Variants in TAOK1 observed in about 807,000 individuals in gnomAD.
The protein encoded by TAOK1 is TAO kinase 1.
Under a neutral mutation model 138.3 loss-of-function variants are expected in TAOK1, and 21 were observed. The ratio of observed to expected loss-of-function variants is 0.15; its 90% CI spans 0.11 to 0.22. TAOK1 has a LOEUF of 0.22. Ranked by LOEUF, TAOK1 falls within the 10% of genes least tolerant of loss-of-function variation. TAOK1 has a pLI of 1.00. For missense variants in TAOK1, 651 were observed against 1,227.7 expected (o/e 0.53, Z 7.02); for synonymous variants, 361 against 398.4 (o/e 0.91, Z 1.12).
At chr17:29,501,487 C>T (rs1473315741) in intron 12 of TAOK1, among the ~76,000 whole-genome samples, 1 of 150,286 alleles carries the variant, frequency 6.7e-6, no homozygotes, top group African/African-American at 2.4e-5. Context: ...ATGTTCTCTT[C>T]AGCTAACAAA....
intron 12 of TAOK1, among the ~76,000 whole-genome samples, chr17:29,500,025 A>G (rs2031494584): frequency 6.6e-6 from 1 of 152,218 alleles, no homozygotes; most frequent in South Asian, 2.1e-4. Context: ...ATTAACAGGA[A>G]TGCTAAGGCT....
intron 1 of TAOK1, among the ~76,000 whole-genome samples, chr17:29,420,906 T>A (rs1027284326): frequency 2.7e-4 from 40 of 149,878 alleles, no homozygotes; most frequent in African/African-American, 9.8e-4. Flanking sequence ...CTTTTATCAT[T>A]GCATGTGATA....
At chr17:29,518,154 A>G (rs1334227173) in intron 16 of TAOK1, among the ~76,000 whole-genome samples, 1 of 152,102 alleles carries the variant, frequency 6.6e-6, no homozygotes, top group East Asian at 1.9e-4. Context: ...CCATGCCTGG[A>G]CTGCACCACC....
chr17:29,438,140 T>C (rs1486510871), intron 1 of TAOK1, among the ~76,000 whole-genome samples: 3 of 152,242 alleles, frequency 2.0e-5, no homozygotes, highest in African/African-American at 7.2e-5. Flanking sequence ...AACATTCATA[T>C]GTATAAGCCC....
At chr17:29,535,618 C>A (rs149726851) in intron 19 of TAOK1, among the ~76,000 whole-genome samples, 1 of 151,846 alleles carries the variant, frequency 6.6e-6, no homozygotes, top group African/African-American at 2.4e-5. Context: ...ACTTGGGAGG[C>A]GGAGGCAAGC....
Position 29,535,310 on chromosome 17 carries a change from A to AAAAT in TAOK1, c.2544+1030_2544+1033dup, listed in dbSNP as rs540444506. On this transcript the variant is annotated intron_variant, in intron 19 of 19. Coordinates refer to ENST00000261716, the MANE Select transcript of TAOK1 (RefSeq NM_020791.4). ...TGGGCAACAGGCAAGATCCTGTCTCAAAATAAATAAATAAATAAATAAAAC... is the reference window on the plus strand; with the variant it reads ...TGGGCAACAGGCAAGATCCTGTCTCAAAATAAATAAATAAATAAATAAATAAAAC... Among the ~76,000 whole-genome samples the AAAAT allele has an allele frequency of 5.2e-4, 78 of 151,314 alleles. 1 individual carries two copies. In the South Asian group the frequency reaches 7.3e-3, roughly 14 times the overall value.
chr17:29,463,533 C>T (rs60913635), intron 2 of TAOK1, among the ~76,000 whole-genome samples: 4,140 of 150,146 alleles, frequency 0.028, 164 homozygotes, highest in African/African-American at 0.096. Context: ...ATTGCGCCAC[C>T]GCACTCCAGC....
intron 11 of TAOK1, among the ~76,000 whole-genome samples, chr17:29,497,968 C>G (rs1225264629): frequency 6.6e-6 from 1 of 151,652 alleles, no homozygotes. Flanking sequence ...GAGAAATGAG[C>G]AGGATCTCTA....
At chr17:29,419,029 T>C (rs1598472817) in intron 1 of TAOK1, among the ~76,000 whole-genome samples, 3 of 151,902 alleles carry the variant, frequency 2.0e-5, no homozygotes, top group Admixed American at 2.0e-4. Context: ...TTTGGATCAT[T>C]AGTGGGACCA....
intron 11 of TAOK1, 43 bp from the exon 12 acceptor site, chr17:29,498,275 A>G (rs1198252193): frequency 2.5e-6 from 4 of 1,594,946 alleles, no homozygotes; most frequent in Non-Finnish European, 3.4e-6. Flanking sequence ...AGAGAGAGAT[A>G]TATATTAATA....
At chr17:29,407,886 T>G (rs1905037327) in intron 1 of TAOK1, among the ~76,000 whole-genome samples, 1 of 152,214 alleles carries the variant, frequency 6.6e-6, no homozygotes, top group Non-Finnish European at 1.5e-5. Context: ...GTTTTGTTTC[T>G]GAGGCAGAGT....
chr17:29,503,169 G>A (rs569452238), intron 13 of TAOK1, among the ~76,000 whole-genome samples: 1 of 152,194 alleles, frequency 6.6e-6, no homozygotes, highest in South Asian at 2.1e-4. Context: ...GGCCGAAGCG[G>A]GCGGATCACG....
In TAOK1 at chr17:29,548,777, G is replaced by T. The variant is rs1033895876; in HGVS notation, c.*5755G>T. 4 of 152,036 alleles carry T rather than the reference G, an allele frequency of 2.6e-5. No homozygotes were observed. The highest frequency in any genetic ancestry group is 5.9e-5 in the Non-Finnish European group (4 of 67,972). The allele number at this position is 152,036 out of a possible 1,614,324, so 9.4% of individuals were successfully genotyped here. A position where few individuals can be genotyped will look rare whatever the true frequency, so the allele number is the denominator to read the frequency against. Reference sequence around the variant, plus strand: ...TTTGTTTTTGTACTAAAGTTTATAGGTCTGTGCCAGCTAGAGAGAAGTTGC... The same window carrying T: ...TTTGTTTTTGTACTAAAGTTTATAGTTCTGTGCCAGCTAGAGAGAAGTTGC... On this transcript the variant is annotated 3_prime_UTR_variant, in exon 20 of 20. Coordinates refer to ENST00000261716, the MANE Select transcript of TAOK1 (RefSeq NM_020791.4).
intron 1 of TAOK1, among the ~76,000 whole-genome samples, chr17:29,392,399 A>G (rs1904463223): frequency 6.6e-6 from 1 of 152,054 alleles, no homozygotes; most frequent in African/African-American, 2.4e-5. Context: ...AATCTGCCTA[A>G]TTATTCTATG....
intron 16 of TAOK1, 116 bp downstream of exon 16, chr17:29,517,772 C>G (rs965829292): frequency 2.3e-6 from 2 of 879,954 alleles, no homozygotes; most frequent in Middle Eastern, 2.4e-4. Flanking sequence ...CTGTCTGAAT[C>G]ATTCTTCCCC....
At position 29,397,831 on chromosome 17, in the gene TAOK1, A is replaced by T. The variant is rs545728642; in HGVS notation, c.-95+6807A>T. Among the ~76,000 whole-genome samples, 1,197 of 151,124 alleles carry T rather than the reference A, an allele frequency of 7.9e-3. 22 individuals carry two copies. The highest frequency in any genetic ancestry group is 0.027 in the African/African-American group (1,129 of 41,246). On this transcript the variant is annotated intron_variant, in intron 1 of 19. Coordinates refer to ENST00000261716, the MANE Select transcript of TAOK1 (RefSeq NM_020791.4). ...TGTATATATGTATATACATGTATATATATGTGTATATATATATATGTATGT... is the reference window on the plus strand; with the variant it reads ...TGTATATATGTATATACATGTATATTTATGTGTATATATATATATGTATGT...
At chr17:29,417,877 TTCTC>T in intron 1 of TAOK1, among the ~76,000 whole-genome samples, 1 of 152,244 alleles carries the variant, frequency 6.6e-6, no homozygotes, top group South Asian at 2.1e-4. Flanking sequence ...AGTTCTTTGA[TTCTC>T]TCTCTTCTCT....
At chr17:29,394,160 T>TTTTTTTA (rs1904518133) in intron 1 of TAOK1, among the ~76,000 whole-genome samples, 4 of 110,712 alleles carry the variant, frequency 3.6e-5, no homozygotes, top group Admixed American at 3.6e-4. Context: ...GTTTTTTTTT[T>TTTTTTTA]TTTTTTTTTT....
chr17:29,519,964 G>A (rs2031886103), intron 16 of TAOK1, among the ~76,000 whole-genome samples: 1 of 151,940 alleles, frequency 6.6e-6, no homozygotes. Context: ...TAATCCTTGA[G>A]GTCAAGAGTT....
Sources: allele counts gnomAD v4.1 joint callset (sites outside exome capture counted in the v4.1 genomes callset), GRCh38; gene constraint gnomAD v4.1.1; transcripts MANE v1.5; gene names NCBI Gene and HGNC (gene_info 2026-07-23, HGNC 2026-07-21).